HCRTR2: variants seen among roughly 807,000 people sequenced by gnomAD.
HCRTR2 encodes the protein hypocretin receptor 2, also known as orexin receptor type 2.
Under a neutral mutation model 49.0 loss-of-function variants are expected in HCRTR2, and 22 were observed. That is an observed-to-expected ratio of 0.45 (90% CI 0.32 to 0.64). HCRTR2 has a LOEUF of 0.64. HCRTR2 is among the 30% of genes least tolerant of loss of function. The probability of loss-of-function intolerance (pLI) is 0.04; values close to 1 mark genes in which losing one functional copy is unlikely to be tolerated. For missense variants in HCRTR2, 491 were observed against 559.4 expected, an observed-to-expected ratio of 0.88 and a Z score of 1.23; for synonymous variants, 236 against 205.3, an observed-to-expected ratio of 1.15 and a Z score of -1.28.
chr6:55,123,717 C>T (rs75283361), intron 1 of HCRTR2, among the ~76,000 whole-genome samples: 1 of 152,072 alleles, frequency 6.6e-6, no homozygotes, highest in African/African-American at 2.4e-5. Context: ...GCTCCTTTTT[C>T]TACCTCTGGT....
At chr6:55,252,460 T>A (rs1243058007) in intron 2 of HCRTR2, among the ~76,000 whole-genome samples, 4 of 152,126 alleles carry the variant, frequency 2.6e-5, no homozygotes, top group Non-Finnish European at 4.4e-5. Context: ...TAGAGAGGAT[T>A]GATATATCTC....
intron 1 of HCRTR2, among the ~76,000 whole-genome samples, chr6:55,212,571 C>T (rs1392389279): frequency 6.6e-6 from 1 of 152,148 alleles, no homozygotes; most frequent in Non-Finnish European, 1.5e-5. Context: ...CTCTTTCCCT[C>T]TTCCTGGCGT....
rs141358990 is a variant in HCRTR2 at position 55,260,384 on chromosome 6, G to A, written c.647-3323G>A. Among the ~76,000 whole-genome samples, 623 of 152,250 alleles carry A rather than the reference G, an allele frequency of 4.1e-3. 1 individual carries two copies. Among genetic ancestry groups the A allele is most frequent in the African/African-American group, 0.014 (588 of 41,548 alleles). ...TTTCAGATTCCTTTGAAATTGGCCC[G>A]CCATATGCTGTGTAGGCTGTGGCAC... is the stretch of plus-strand genomic sequence containing the variant. On this transcript the variant is annotated intron_variant, in intron 3 of 6. Coordinates refer to ENST00000370862, the MANE Select transcript of HCRTR2 (RefSeq NM_001384272.1).
chr6:55,124,395 G>A (rs935678738), intron 1 of HCRTR2, among the ~76,000 whole-genome samples: 4 of 152,142 alleles, frequency 2.6e-5, no homozygotes, highest in Non-Finnish European at 5.9e-5. Context: ...TCAGGAGCAG[G>A]CTGTTCAGTT....
At chr6:55,141,809 G>A (rs1241980357) in intron 1 of HCRTR2, among the ~76,000 whole-genome samples, 2 of 152,112 alleles carry the variant, frequency 1.3e-5, no homozygotes, top group Non-Finnish European at 2.9e-5. Flanking sequence ...CTAATAACTT[G>A]TGCATGCACA....
intron 1 of HCRTR2, among the ~76,000 whole-genome samples, chr6:55,116,855 G>C (rs1764124345): frequency 1.3e-5 from 2 of 151,666 alleles, no homozygotes; most frequent in South Asian, 4.2e-4. Context: ...ACTCTAATTT[G>C]TGGTAAAAGG....
chr6:55,143,372 C>T (rs1232630650), intron 1 of HCRTR2, among the ~76,000 whole-genome samples: 1 of 152,114 alleles, frequency 6.6e-6, no homozygotes, highest in Non-Finnish European at 1.5e-5. Flanking sequence ...TACAATGTAT[C>T]CCACAAACCC....
chr6:55,273,170 TAC>T (rs1471940632), intron 4 of HCRTR2, among the ~76,000 whole-genome samples: 2 of 152,170 alleles, frequency 1.3e-5, no homozygotes, highest in Non-Finnish European at 2.9e-5. Flanking sequence ...AGTGTTGGAA[TAC>T]AGTCATCTTC....
At position 55,114,947 on chromosome 6, in the gene HCRTR2, G is replaced by C. The variant is rs752360354; in HGVS notation, c.-378+8402G>C. Among the ~76,000 whole-genome samples, 3 of 151,672 alleles carry C rather than the reference G, an allele frequency of 2.0e-5. No homozygotes were observed. The East Asian group carries it at 5.8e-4, about 29-fold the overall frequency. ...AAGGTTTTCACTACCAAAGACCCTTGTTTTCCAATGACACTGCTGCACTTT... is the reference window on the plus strand; with the variant it reads ...AAGGTTTTCACTACCAAAGACCCTTCTTTTCCAATGACACTGCTGCACTTT... On this transcript the variant is annotated intron_variant, in intron 1 of 7. Transcript: ENST00000615358.
intron 1 of HCRTR2, among the ~76,000 whole-genome samples, chr6:55,140,037 A>G (rs12209538): frequency 0.052 from 7,977 of 152,238 alleles, 291 homozygotes; most frequent in African/African-American, 0.097. Flanking sequence ...ACAAAGCTGC[A>G]TCTCGGGATA....
intron 1 of HCRTR2, among the ~76,000 whole-genome samples, chr6:55,137,272 C>A (rs1293254666): frequency 6.6e-6 from 1 of 152,118 alleles, no homozygotes; most frequent in African/African-American, 2.4e-5. Flanking sequence ...AGCATGCTAG[C>A]CACCTTTAAA....
At chr6:55,154,037 A>T (rs114394500) in intron 1 of HCRTR2, among the ~76,000 whole-genome samples, 8 of 151,776 alleles carry the variant, frequency 5.3e-5, no homozygotes, top group Non-Finnish European at 7.4e-5. Context: ...AAAAAAATGG[A>T]TAAATTCCTA....
At chr6:55,136,388 C>T (rs974226209) in intron 1 of HCRTR2, among the ~76,000 whole-genome samples, 2 of 152,152 alleles carry the variant, frequency 1.3e-5, no homozygotes, top group African/African-American at 4.8e-5. Flanking sequence ...CACATACACA[C>T]TCTAACTTTG....
chr6:55,189,356 T>C (rs1765277782), intron 1 of HCRTR2, among the ~76,000 whole-genome samples: 3 of 152,022 alleles, frequency 2.0e-5, no homozygotes, highest in African/African-American at 7.3e-5. Context: ...GTTGTGAGAA[T>C]GAAGTTAAGA....
Position 55,121,838 on chromosome 6 carries a change from T to C in HCRTR2, c.-378+15293T>C, listed in dbSNP as rs544121114. On this transcript the variant is annotated intron_variant, in intron 1 of 7. Transcript: ENST00000615358. ...ACTTGATCATGCTGGATAAGCTTTTTGATGTGCTGCTGGATTTGGTTTGCC... is the reference window on the plus strand; with the variant it reads ...ACTTGATCATGCTGGATAAGCTTTTCGATGTGCTGCTGGATTTGGTTTGCC... Among the ~76,000 whole-genome samples the C allele has an allele frequency of 6.4e-4, 97 of 152,292 alleles. 2 individuals carry two copies. Among genetic ancestry groups the C allele is most frequent in the African/African-American group, 2.3e-3 (95 of 41,558 alleles).
intron 1 of HCRTR2, among the ~76,000 whole-genome samples, chr6:55,133,789 G>T (rs1377916308): frequency 1.3e-5 from 2 of 151,284 alleles, no homozygotes; most frequent in African/African-American, 2.4e-5. Flanking sequence ...TCTACTACTT[G>T]GTTACCTTTA....
At chr6:55,266,934 T>C (rs1261990454) in intron 4 of HCRTR2, among the ~76,000 whole-genome samples, 2 of 152,174 alleles carry the variant, frequency 1.3e-5, no homozygotes, top group Admixed American at 6.5e-5. Context: ...ATCCACATTC[T>C]TTTCATGAAT....
At chr6:55,267,321 TCTGA>T (rs1766877935) in intron 4 of HCRTR2, among the ~76,000 whole-genome samples, 3 of 152,074 alleles carry the variant, frequency 2.0e-5, no homozygotes, top group Non-Finnish European at 4.4e-5. Context: ...TGTGTCCTTG[TCTGA>T]CTTTCTCAAG....
chr6:55,113,283 C>A (rs1453167860), intron 1 of HCRTR2, among the ~76,000 whole-genome samples: 1 of 151,860 alleles, frequency 6.6e-6, no homozygotes, highest in African/African-American at 2.4e-5. Flanking sequence ...ATAGATGAGA[C>A]TTAATTAAAC....
Sources: gnomAD v4.1 joint callset for allele counts (sites outside exome capture counted in the v4.1 genomes callset) on GRCh38, gnomAD v4.1.1 for gene constraint, MANE v1.5 for transcripts, NCBI Gene and HGNC (gene_info 2026-07-23, HGNC 2026-07-21) for gene names.